The following RIPK1 variants were observed in gnomAD, a reference collection of about 807,000 sequenced individuals.
RIPK1 encodes receptor-interacting serine/threonine-protein kinase 1.
RIPK1 carries 27 observed loss-of-function variants against 62.4 expected under a neutral mutation model. That is an observed-to-expected ratio of 0.43 (90% CI 0.32 to 0.60). The LOEUF (loss-of-function observed/expected upper bound fraction) is 0.60. Ranked by LOEUF, RIPK1 falls within the 20% of genes least tolerant of loss-of-function variation. The pLI, the probability that RIPK1 is intolerant of heterozygous loss-of-function variation, is 0.07. For synonymous variants in RIPK1, 287 were observed against 303.2 expected, an observed-to-expected ratio of 0.95 and a Z score of 0.55; for missense variants, 735 against 831.0, an observed-to-expected ratio of 0.88 and a Z score of 1.42.
chr6:3,080,903 C>T, intron 3 of RIPK1, 76 bp from the exon 4 acceptor site: 2 of 1,457,552 alleles, frequency 1.4e-6, no homozygotes, highest in East Asian at 4.6e-5. Context: ...CAGATCCCAC[C>T]ACCCTTTCAT....
At chr6:3,085,025 T>C (rs1358115409) in intron 5 of RIPK1, among the ~76,000 whole-genome samples, 1 of 152,260 alleles carries the variant, frequency 6.6e-6, no homozygotes, top group Non-Finnish European at 1.5e-5. Context: ...ACATAATCTT[T>C]TTGTTCCATC....
At chr6:3,083,700 A>G (rs1759540517) in intron 5 of RIPK1, among the ~76,000 whole-genome samples, 7 of 152,012 alleles carry the variant, frequency 4.6e-5, no homozygotes, top group Admixed American at 4.6e-4. Flanking sequence ...GGATAGAGAC[A>G]CTCTGCAGTT....
chr6:3,104,231 T>A lies in RIPK1; in HGVS notation c.922T>A (p.Tyr308Asn). ...TTTATGCTCTTAATTATAGAAAGAG[T>A]ATTCAAACGAAAATGCAGTTGTGAA... is the stretch of plus-strand genomic sequence containing the variant. ...EEDVKSLKKEYSNENAVVKRM... is the reference protein window; with the variant it reads ...EEDVKSLKKENSNENAVVKRM... Residue 308 changes from tyrosine (Y) to asparagine (N), a missense_variant, in exon 8 of 11, where the codon TAT (tyrosine) becomes AAT (asparagine). Physicochemically the swap from Tyr to Asn is moderately radical, Grantham distance 143. This residue lies in a region of RIPK1 where 671 missense variants were observed against 726.2 expected (regional missense o/e 0.92). Transcript: ENST00000259808. 6.6e-7 allele frequency: 1 copy of A among 1,520,974 alleles called. No individual in the cohort carries two copies. The highest frequency in any genetic ancestry group is 9.1e-7 in the Non-Finnish European group (1 of 1,097,510). The allele number at this position is 1,520,974 out of a possible 1,614,324, so 94.2% of individuals were successfully genotyped here.
At chr6:3,081,915 C>T (rs1759410450) in intron 4 of RIPK1, among the ~76,000 whole-genome samples, 2 of 128,366 alleles carry the variant, frequency 1.6e-5, no homozygotes, top group African/African-American at 5.9e-5. Context: ...ATCAGCAGTG[C>T]ATCAAAAACC....
At position 3,100,680 on chromosome 6, in the gene RIPK1, T is replaced by TC. The variant is rs113915564; in HGVS notation, c.916-3542dup. ...ATCTGGGCTCACTACAACCTCCACC[T>TC]CCCGGGTTCAAGTGATTCTCGTGCC... On this transcript the variant is annotated intron_variant, in intron 7 of 10. Coordinates refer to ENST00000259808, the MANE Select transcript of RIPK1 (RefSeq NM_001354930.2). 5.3e-3 allele frequency among the ~76,000 whole-genome samples: 798 copies of TC among 152,000 alleles called. 7 individuals carry two copies. The highest frequency in any genetic ancestry group is 0.019 in the African/African-American group (781 of 41,474).
At chr6:3,089,827 A>G (rs563900732) in intron 7 of RIPK1, among the ~76,000 whole-genome samples, 170 bp downstream of exon 7, 1 of 152,360 alleles carries the variant, frequency 6.6e-6, no homozygotes, top group South Asian at 2.1e-4. Flanking sequence ...GGCATACTGG[A>G]CCCATTTCTC....
At chr6:3,087,702 G>A (rs1004843059) in intron 6 of RIPK1, among the ~76,000 whole-genome samples, 4 of 151,914 alleles carry the variant, frequency 2.6e-5, no homozygotes, top group African/African-American at 9.7e-5. Context: ...ACCACACCTG[G>A]CTAATTTTTT....
At chr6:3,080,799 G>GCCCC (rs3830793) in intron 3 of RIPK1, among the ~76,000 whole-genome samples, 180 bp from the exon 4 acceptor site, 78 of 147,210 alleles carry the variant, frequency 5.3e-4, no homozygotes, top group African/African-American at 1.9e-3. Flanking sequence ...AATACCCTCT[G>GCCCC]CCCCCCCCCG....
chr6:3,111,709 T>C (rs1457411526), intron 10 of RIPK1, among the ~76,000 whole-genome samples: 3 of 152,234 alleles, frequency 2.0e-5, no homozygotes, highest in Non-Finnish European at 4.4e-5. Context: ...CCACAGGCCA[T>C]AGTTGGCCAA....
chr6:3,065,675 G>C (rs1037773153), upstream of RIPK1, among the ~76,000 whole-genome samples: 1 of 152,172 alleles, frequency 6.6e-6, no homozygotes, highest in Non-Finnish European at 1.5e-5. Flanking sequence ...GTGGCCAAGA[G>C]ACCTACCCCC....
intron 3 of RIPK1, among the ~76,000 whole-genome samples, chr6:3,079,397 T>A (rs1157237599): frequency 6.6e-6 from 1 of 152,132 alleles, no homozygotes; most frequent in Non-Finnish European, 1.5e-5. Flanking sequence ...TTGATAGACA[T>A]ACTCATTGCT....
intron 1 of RIPK1, among the ~76,000 whole-genome samples, chr6:3,069,938 G>A (rs998556563): frequency 6.6e-6 from 1 of 152,112 alleles, no homozygotes; most frequent in African/African-American, 2.4e-5. Flanking sequence ...TTGAACCCAG[G>A]AGGCGGTAGT....
In RIPK1 at chr6:3,114,678, G is replaced by A. The variant is rs1761322533; in HGVS notation, c.*1339G>A. ...GCAGACACATACACACCCCTGAAAT[G>A]GGGCTGCAGAGCAGGCTGTCTCAGC... is the stretch of plus-strand genomic sequence containing the variant. On this transcript the variant is annotated 3_prime_UTR_variant, in exon 11 of 11. Transcript: ENST00000259808. The surrounding 1 kb of genome is among the most constrained non-coding windows in gnomAD (Gnocchi z 5.0). The A allele has an allele frequency of 1.3e-5, 2 of 152,260 alleles. No individual in the cohort carries two copies. The highest frequency in any genetic ancestry group is 2.4e-5 in the African/African-American group (1 of 41,430). 9.4% of individuals were successfully genotyped at this position (152,260 alleles called of 1,614,324 possible).
chr6:3,076,138 T>G lies in RIPK1; in HGVS notation c.-60-626T>G, dbSNP rs1759035715. Among the ~76,000 whole-genome samples the G allele has an allele frequency of 2.0e-5, 3 of 152,186 alleles. No homozygotes were observed. In the South Asian group the frequency reaches 6.2e-4, roughly 32 times the overall value. Reference sequence around the variant, plus strand: ...CTTTCCACGGAGTTTTGGTATGCATTTCAATGAATGTTTGTATTATGTTGT... The same window carrying G: ...CTTTCCACGGAGTTTTGGTATGCATGTCAATGAATGTTTGTATTATGTTGT... On this transcript the variant is annotated intron_variant, in intron 1 of 10. Coordinates refer to ENST00000259808, the MANE Select transcript of RIPK1 (RefSeq NM_001354930.2).
In RIPK1 at chr6:3,072,403, AT is replaced by A. The variant is rs1758769813; in HGVS notation, c.-61+3743del. ...TTTATCTATTTACATATATATATAT[AT>A]AAAACACACACAAATGTGAATATAA... On this transcript the variant is annotated intron_variant, in intron 1 of 10. Coordinates refer to ENST00000259808, the MANE Select transcript of RIPK1 (RefSeq NM_001354930.2). This position sits in a 1 kb window ranked among gnomAD's most constrained non-coding sequence, Gnocchi z 5.6. 2.0e-5 allele frequency among the ~76,000 whole-genome samples: 3 copies of A among 151,896 alleles called. No homozygotes were observed. Among genetic ancestry groups the A allele is most frequent in the Admixed American group, 6.6e-5 (1 of 15,236 alleles).
In RIPK1 at chr6:3,081,130, G is replaced by C. The variant is rs760511499; in HGVS notation, c.459+14G>C. 1 of 1,609,012 alleles carries C rather than the reference G, an allele frequency of 6.2e-7. No individual in the cohort carries two copies. The highest frequency in any genetic ancestry group is 8.5e-7 in the Non-Finnish European group (1 of 1,177,902). Reference sequence around the variant, plus strand: ...TTCCACATTAAGGTAAACCATCATCGGTAGGCTTCCAGAAAGTTGGGTGAT... The same window carrying C: ...TTCCACATTAAGGTAAACCATCATCCGTAGGCTTCCAGAAAGTTGGGTGAT... On this transcript the variant is annotated intron_variant, in intron 4 of 10. Coordinates refer to ENST00000259808, the MANE Select transcript of RIPK1 (RefSeq NM_001354930.2).
At chr6:3,069,696 G>T (rs1290030223) in intron 1 of RIPK1, among the ~76,000 whole-genome samples, 1 of 152,234 alleles carries the variant, frequency 6.6e-6, no homozygotes, top group Non-Finnish European at 1.5e-5. Context: ...ACTGAGTCAA[G>T]AGGAAATTGT....
Position 3,072,049 on chromosome 6 carries a change from G to T in RIPK1, c.-61+3388G>T, listed in dbSNP as rs1758739831. Among the ~76,000 whole-genome samples, 1 of 152,122 alleles carries T rather than the reference G, an allele frequency of 6.6e-6. No homozygotes were observed. Among genetic ancestry groups the T allele is most frequent in the African/African-American group, 2.4e-5 (1 of 41,402 alleles). On this transcript the variant is annotated intron_variant, in intron 1 of 10. Coordinates refer to ENST00000259808, the MANE Select transcript of RIPK1 (RefSeq NM_001354930.2). This position sits in a 1 kb window ranked among gnomAD's most constrained non-coding sequence, Gnocchi z 5.6. ...TTTGCAAACTGCTAGATATATTTCA[G>T]TGTTGATGGGCATAACTGATTCTCT...
intron 7 of RIPK1, among the ~76,000 whole-genome samples, chr6:3,094,585 A>G (rs1748987082): frequency 1.4e-5 from 2 of 144,930 alleles, no homozygotes; most frequent in South Asian, 2.1e-4. Flanking sequence ...TATTTCATAT[A>G]TATATATATA....
Sources: gnomAD v4.1 joint callset for allele counts (sites outside exome capture counted in the v4.1 genomes callset) on GRCh38, gnomAD v4.1.1 for gene constraint, gnomAD v4.1.1 regional missense constraint, Gnocchi (gnomAD v3.1) non-coding constraint, MANE v1.5 for transcripts, NCBI Gene and HGNC (gene_info 2026-07-23, HGNC 2026-07-21) for gene names.